LRBA: variants seen among roughly 807,000 people sequenced by gnomAD.
The protein encoded by LRBA is LPS responsive beige-like anchor protein.
LRBA carries 176 observed loss-of-function variants against 330.0 expected under a neutral mutation model. The observed-to-expected ratio is 0.53, with a 90% confidence interval of 0.47 to 0.60. LRBA has a LOEUF of 0.60. LRBA is among the 20% of genes least tolerant of loss of function. LRBA has a pLI of 0.00. For missense variants in LRBA, 3,259 were observed against 3,444.8 expected, an observed-to-expected ratio of 0.95 and a Z score of 1.35; for synonymous variants, 1,230 against 1,193.0, an observed-to-expected ratio of 1.03 and a Z score of -0.64.
rs1051037823 is a variant in LRBA at position 150,364,169 on chromosome 4, T to C, written c.7195-14010A>G. ...CTTGACAAAAGCTCAAGAAAGTCAG[T>C]ATGTTATGCAAAGAAAATGCATCTA... On this transcript the variant is annotated intron_variant, in intron 47 of 56. Coordinates refer to ENST00000651943, the MANE Select transcript of LRBA (RefSeq NM_001364905.1). 7.2e-5 allele frequency among the ~76,000 whole-genome samples: 11 copies of C among 152,174 alleles called. No individual in the cohort carries two copies. The South Asian group carries it at 8.3e-4, about 11-fold the overall frequency.
intron 37 of LRBA, among the ~76,000 whole-genome samples, chr4:150,661,902 G>A (rs1271531700): frequency 4.6e-5 from 7 of 152,148 alleles, no homozygotes; most frequent in Non-Finnish European, 1.0e-4. Flanking sequence ...TTACAGGCAT[G>A]AGGCACCACG....
chr4:150,877,599 A>C (rs1754192956), intron 17 of LRBA, among the ~76,000 whole-genome samples: 1 of 152,240 alleles, frequency 6.6e-6, no homozygotes, highest in Non-Finnish European at 1.5e-5. Flanking sequence ...TCAACACCCC[A>C]CTGACAGGCA....
chr4:150,725,852 TAG>T (rs1397523929), intron 36 of LRBA, among the ~76,000 whole-genome samples: 1 of 152,132 alleles, frequency 6.6e-6, no homozygotes, highest in African/African-American at 2.4e-5. Context: ...AGTTACAGCA[TAG>T]AGTTTTTATT....
chr4:150,875,601 T>C (rs929155090), intron 17 of LRBA, among the ~76,000 whole-genome samples: 10 of 152,164 alleles, frequency 6.6e-5, no homozygotes. Context: ...TAAAACCTGC[T>C]GACGGAAGTG....
chr4:150,516,242 T>C (rs1762348185), intron 40 of LRBA, among the ~76,000 whole-genome samples: 2 of 137,692 alleles, frequency 1.5e-5, no homozygotes, highest in African/African-American at 5.3e-5. Context: ...TTTTTTTTTT[T>C]TGCTAAGTAC....
In LRBA at chr4:150,912,509, G is replaced by A. The variant is rs1404120181; in HGVS notation, c.1161+1686C>T. ...TCCCACTGATTCTACATTATGGTGA[G>A]TCGTATAATTATTTCATTATATATT... On this transcript the variant is annotated intron_variant, in intron 9 of 56. Coordinates refer to ENST00000651943, the MANE Select transcript of LRBA (RefSeq NM_001364905.1). Among the ~76,000 whole-genome samples the A allele has an allele frequency of 5.9e-5, 9 of 152,292 alleles. No individual in the cohort carries two copies. The East Asian group carries it at 9.6e-4, about 16-fold the overall frequency.
chr4:150,985,502 T>G (rs1416368759), intron 2 of LRBA, among the ~76,000 whole-genome samples: 3 of 150,966 alleles, frequency 2.0e-5, no homozygotes, highest in South Asian at 2.1e-4. Context: ...ATATATAGTT[T>G]TTTTTTTTTT....
chr4:150,515,539 T>C (rs1376020342), intron 40 of LRBA, among the ~76,000 whole-genome samples: 3 of 152,114 alleles, frequency 2.0e-5, no homozygotes, highest in Non-Finnish European at 4.4e-5. Flanking sequence ...AAACAGGGCC[T>C]GGCACATCAT....
At chr4:150,964,095 C>A (rs1252210811) in intron 2 of LRBA, among the ~76,000 whole-genome samples, 3 of 148,816 alleles carry the variant, frequency 2.0e-5, no homozygotes, top group Non-Finnish European at 4.4e-5. Flanking sequence ...TGAGGAGCGT[C>A]TCCGCCCGGC....
rs1554061657 is a variant in LRBA at position 150,592,147 on chromosome 4, T to TTG, written c.6047-1289_6047-1288insCA. On this transcript the variant is annotated intron_variant, in intron 38 of 56. Coordinates refer to ENST00000651943, the MANE Select transcript of LRBA (RefSeq NM_001364905.1). ...ATATGGAAATCGGATGGCTAGGGTT[T>TTG]TTTTTTTTTTTTTTTTTTTTTTTGC... Among the ~76,000 whole-genome samples the TTG allele has an allele frequency of 1.5e-4, 20 of 136,876 alleles. No homozygotes were observed. In the East Asian group the frequency reaches 4.3e-3, roughly 29 times the overall value. The allele number at this position is 136,876 out of a possible 152,430, so 89.8% of individuals were successfully genotyped here. A position where few individuals can be genotyped will look rare whatever the true frequency, so the allele number is the denominator to read the frequency against.
intron 36 of LRBA, among the ~76,000 whole-genome samples, chr4:150,690,755 T>C (rs1784058558): frequency 6.6e-6 from 1 of 151,876 alleles, no homozygotes; most frequent in Non-Finnish European, 1.5e-5. Flanking sequence ...ATCAAGGATA[T>C]AAATCTAGAA....
chr4:150,576,406 A>C (rs962035713), intron 40 of LRBA, among the ~76,000 whole-genome samples: 5 of 151,918 alleles, frequency 3.3e-5, no homozygotes, highest in African/African-American at 7.2e-5. Context: ...GTTCAAAGAA[A>C]CTTTCTAAAA....
intron 42 of LRBA, among the ~76,000 whole-genome samples, chr4:150,486,467 T>A (rs977344159): frequency 2.0e-5 from 3 of 151,814 alleles, no homozygotes; most frequent in Non-Finnish European, 4.4e-5. Context: ...TACCACAGCA[T>A]TTTTTATAAT....
At chr4:150,677,289 T>C (rs1405528810) in intron 37 of LRBA, among the ~76,000 whole-genome samples, 2 of 152,130 alleles carry the variant, frequency 1.3e-5, no homozygotes, top group African/African-American at 4.8e-5. Context: ...AAATTGATTA[T>C]AAATGCCACA....
intron 46 of LRBA, among the ~76,000 whole-genome samples, chr4:150,417,225 A>C (rs1292063267): frequency 6.6e-6 from 1 of 152,070 alleles, no homozygotes; most frequent in Non-Finnish European, 1.5e-5. Context: ...ATATATATTT[A>C]TCTCTCTCTA....
At chr4:150,772,515 A>T (rs1341374900) in intron 34 of LRBA, among the ~76,000 whole-genome samples, 3 of 152,220 alleles carry the variant, frequency 2.0e-5, no homozygotes, top group African/African-American at 7.2e-5. Flanking sequence ...AGTAGGACAG[A>T]TAACATTCAG....
At chr4:150,273,796 C>G (rs1746430485) in intron 56 of LRBA, among the ~76,000 whole-genome samples, 1 of 152,082 alleles carries the variant, frequency 6.6e-6, no homozygotes, top group Non-Finnish European at 1.5e-5. Flanking sequence ...ACAGGAGCAC[C>G]CAGATTCATA....
chr4:150,331,102 A>C (rs72953836), intron 48 of LRBA, among the ~76,000 whole-genome samples: 3,358 of 152,262 alleles, frequency 0.022, 106 homozygotes, highest in African/African-American at 0.072. Flanking sequence ...GGATAGGACA[A>C]CACTCCATTG....
At chr4:150,666,371 G>C (rs1272168102) in intron 37 of LRBA, among the ~76,000 whole-genome samples, 1 of 151,980 alleles carries the variant, frequency 6.6e-6, no homozygotes, top group Admixed American at 6.6e-5. Context: ...AATCAGTCAG[G>C]CATGGTGGTG....
Sources: allele counts gnomAD v4.1 joint callset (sites outside exome capture counted in the v4.1 genomes callset), GRCh38; gene constraint gnomAD v4.1.1; transcripts MANE v1.5; gene names NCBI Gene and HGNC (gene_info 2026-07-23, HGNC 2026-07-21).